The following SFI1 variants were observed in gnomAD, a reference collection of about 807,000 sequenced individuals.
The protein encoded by SFI1 is SFI1 centrin binding protein, also known as protein SFI1 homolog.
In SFI1, 195 loss-of-function variants were observed where a neutral mutation model predicts 207.5. That is an observed-to-expected ratio of 0.94 (90% CI 0.84 to 1.06). The LOEUF is 1.06. SFI1 is among the 50% of genes least tolerant of loss of function. The pLI is 0.00. For synonymous variants in SFI1, 630 were observed against 598.9 expected (o/e 1.05, Z -0.76); for missense variants, 1,634 against 1,588.0 (o/e 1.03, Z -0.49).
Position 31,604,935 on chromosome 22 carries a change from C to T in SFI1, c.2044C>T (p.Gln682Ter). Residue 682 changes from glutamine (Q) to a stop codon, truncating the protein, a stop_gained, in exon 20 of 33, where the codon CAG (glutamine) becomes TAG (stop). Coordinates refer to ENST00000400288, the MANE Select transcript of SFI1 (RefSeq NM_001007467.3). LOFTEE classifies it high-confidence loss of function. ...VAARESQHNR[Q>*]LLRGALRRWK... ...AGCCAGGGAGAGCCAGCACAACAGG[C>T]AGCTGCTGCGGTGAGTCTCCCGGGC... 1 of 1,609,284 alleles carries T rather than the reference C, an allele frequency of 6.2e-7. No individual in the cohort carries two copies. Among genetic ancestry groups the T allele is most frequent in the Non-Finnish European group, 8.5e-7 (1 of 1,177,742 alleles).
At chr22:31,569,717 G>A (rs1264335206) in intron 8 of SFI1, among the ~76,000 whole-genome samples, 1 of 152,112 alleles carries the variant, frequency 6.6e-6, no homozygotes, top group Non-Finnish European at 1.5e-5. Context: ...GGAAGCCAAG[G>A]CGGGGGGACA....
chr22:31,614,903 CA>C (rs1356108463), intron 28 of SFI1, 43 bp downstream of exon 28: 11 of 1,605,842 alleles, frequency 6.8e-6, no homozygotes, highest in Non-Finnish European at 9.4e-6. Context: ...GGGAGATGGT[CA>C]GGGGTCCCCA....
At chr22:31,565,902 C>T (rs1270505575) in intron 8 of SFI1, among the ~76,000 whole-genome samples, 2 of 152,116 alleles carry the variant, frequency 1.3e-5, no homozygotes, top group African/African-American at 2.4e-5. Flanking sequence ...CTCACGGCCT[C>T]AAGCAGTTCT....
intron 2 of SFI1, among the ~76,000 whole-genome samples, chr22:31,509,777 T>C (rs2146664589): frequency 6.6e-6 from 1 of 152,296 alleles, no homozygotes; most frequent in South Asian, 2.1e-4. Context: ...TTTATGTCTG[T>C]AGTCACGAGG....
chr22:31,588,738 G>A (rs1184977761), intron 14 of SFI1, among the ~76,000 whole-genome samples: 6 of 151,974 alleles, frequency 3.9e-5, no homozygotes, highest in Non-Finnish European at 7.4e-5. Context: ...ACTTGAACCC[G>A]GGAGGCGGAG....
intron 2 of SFI1, among the ~76,000 whole-genome samples, chr22:31,510,865 G>C (rs1489623141): frequency 6.6e-6 from 1 of 152,172 alleles, no homozygotes; most frequent in African/African-American, 2.4e-5. Context: ...TGAAGGGTCA[G>C]TGGTAAATGT....
intron 15 of SFI1, among the ~76,000 whole-genome samples, chr22:31,593,053 C>G (rs2066347128): frequency 2.9e-5 from 4 of 140,166 alleles, no homozygotes; most frequent in African/African-American, 1.1e-4. Context: ...CCACCTCCCT[C>G]CCGGACGGCA....
At chr22:31,515,181 A>G (rs2056308830) in intron 2 of SFI1, among the ~76,000 whole-genome samples, 1 of 152,046 alleles carries the variant, frequency 6.6e-6, no homozygotes, top group African/African-American at 2.4e-5. Flanking sequence ...TTGTGGACCA[A>G]AGATTATGGG....
intron 15 of SFI1, among the ~76,000 whole-genome samples, chr22:31,590,899 CTT>C (rs1454591954): frequency 1.3e-5 from 2 of 150,648 alleles, no homozygotes; most frequent in Non-Finnish European, 3.0e-5. Context: ...TTGCTTCTCT[CTT>C]TTTCTTGATT....
chr22:31,593,895 G>A (rs1353127902), intron 15 of SFI1, among the ~76,000 whole-genome samples: 1 of 148,206 alleles, frequency 6.7e-6, no homozygotes, highest in Non-Finnish European at 1.5e-5. Context: ...TGAGGCAGGA[G>A]AATCAGGCAG....
intron 20 of SFI1, 34 bp from the exon 21 acceptor site, chr22:31,606,294 G>A (rs2068956635): frequency 1.3e-6 from 2 of 1,589,032 alleles, no homozygotes; most frequent in Non-Finnish European, 1.7e-6. Flanking sequence ...CTATCCTGGT[G>A]TCATCTGCCT....
rs139924040 is a variant in SFI1, at chr22:31,567,917, C to T, written c.766-5141C>T. 2.3e-3 allele frequency among the ~76,000 whole-genome samples: 345 copies of T among 152,128 alleles called. 1 individual carries two copies. The highest frequency in any genetic ancestry group is 3.9e-3 in the Non-Finnish European group (266 of 68,014). On this transcript the variant is annotated intron_variant, in intron 8 of 32. Transcript: ENST00000400288. ...ACCCTGGTGGAATGTGTTAAAAGGA[C>T]GTAATGAACTGCTAAGAAATCTAAA... is the stretch of plus-strand genomic sequence containing the variant.
chr22:31,526,863 A>G (rs539655113), intron 2 of SFI1, among the ~76,000 whole-genome samples: 1 of 151,498 alleles, frequency 6.6e-6, no homozygotes. Context: ...GTGCCTGGCC[A>G]TCAATACCTA....
intron 1 of SFI1, among the ~76,000 whole-genome samples, chr22:31,501,647 C>G (rs1269480451): frequency 1.3e-5 from 2 of 152,116 alleles, no homozygotes; most frequent in African/African-American, 2.4e-5. Flanking sequence ...TAACCACTTG[C>G]TGAGGTAGTT....
intron 4 of SFI1, among the ~76,000 whole-genome samples, chr22:31,540,642 A>T (rs1173422640): frequency 6.7e-6 from 1 of 149,658 alleles, no homozygotes; most frequent in East Asian, 2.0e-4. Flanking sequence ...GTGCAATGGC[A>T]TGATCTCGGC....
chr22:31,616,437 G>A (rs1175507336), intron 29 of SFI1: 3 of 328,426 alleles, frequency 9.1e-6, no homozygotes, highest in Admixed American at 4.6e-5. Context: ...GAGCAGGTGG[G>A]GGTGGAGGGT....
chr22:31,602,864 G>C (rs1019177139), intron 17 of SFI1, 79 bp downstream of exon 17: 138 of 1,482,532 alleles, frequency 9.3e-5, no homozygotes, highest in Non-Finnish European at 1.2e-4. Flanking sequence ...TGAGCTCCAA[G>C]TGCCTGTCTG....
chr22:31,600,574 C>T (rs2067938276), intron 15 of SFI1, among the ~76,000 whole-genome samples: 2 of 152,274 alleles, frequency 1.3e-5, no homozygotes, highest in South Asian at 4.1e-4. Context: ...TTGGGTATTT[C>T]CCTCTGTTCA....
chr22:31,511,464 G>GTTTTTTTTT lies in SFI1; in HGVS notation c.92+3102_92+3110dup, dbSNP rs758898165. Among the ~76,000 whole-genome samples the GTTTTTTTTT allele has an allele frequency of 2.2e-4, 25 of 114,512 alleles. 1 individual carries two copies. The highest frequency in any genetic ancestry group is 3.2e-4 in the East Asian group (1 of 3,106). The allele number at this position is 114,512 out of a possible 152,430, so 75.1% of individuals were successfully genotyped here. A position where few individuals can be genotyped will look rare whatever the true frequency, so the allele number is the denominator to read the frequency against. Reference sequence around the variant, plus strand: ...GGCCTCTAACTCTGGCATAGTTTCTGTTTTTTTTTTTTTTTTTTTTTTGAG... The same window carrying GTTTTTTTTT: ...GGCCTCTAACTCTGGCATAGTTTCTGTTTTTTTTTTTTTTTTTTTTTTTTTTTTTTTGAG... On this transcript the variant is annotated intron_variant, in intron 2 of 32. Coordinates refer to ENST00000400288, the MANE Select transcript of SFI1 (RefSeq NM_001007467.3).
Sources: allele counts gnomAD v4.1 joint callset (sites outside exome capture counted in the v4.1 genomes callset), GRCh38; gene constraint gnomAD v4.1.1; transcripts MANE v1.5; gene names NCBI Gene and HGNC (gene_info 2026-07-23, HGNC 2026-07-21).